Variants in ITGA8 observed in about 807,000 individuals in gnomAD.
ITGA8 encodes the protein integrin alpha-8.
A neutral mutation model predicts 142.3 loss-of-function variants in ITGA8; 91 were observed. The observed-to-expected ratio is 0.64, with a 90% CI of 0.54 to 0.76. ITGA8 has a LOEUF of 0.76. Ranked by LOEUF, ITGA8 falls within the 30% of genes least tolerant of loss-of-function variation. ITGA8 has a pLI of 0.00. For synonymous variants in ITGA8, 505 were observed against 485.2 expected (o/e 1.04, Z -0.54); for missense variants, 1,406 against 1,327.7 (o/e 1.06, Z -0.92).
chr10:15,542,706 TC>T (rs142622801), intron 27 of ITGA8, among the ~76,000 whole-genome samples: 3 of 152,132 alleles, frequency 2.0e-5, no homozygotes, highest in Admixed American at 2.0e-4. Flanking sequence ...CTCAAGATTC[TC>T]CCCCTTACTA....
At chr10:15,719,178 C>T (rs1835510362) in intron 1 of ITGA8, among the ~76,000 whole-genome samples, 1 of 152,244 alleles carries the variant, frequency 6.6e-6, no homozygotes, top group Non-Finnish European at 1.5e-5. Context: ...AGGACAGAGC[C>T]CAGCTGCTGG....
Position 15,517,253 on chromosome 10 carries a change from G to A in ITGA8, c.3106-9C>T, listed in dbSNP as rs761269484. The A allele has an allele frequency of 3.2e-6, 5 of 1,579,844 alleles. No homozygotes were observed. Among genetic ancestry groups the A allele is most frequent in the African/African-American group, 2.7e-5 (2 of 73,482 alleles). Reference sequence around the variant, plus strand: ...CTGTCAAAGAATCCACACTATAAAGGGAAAGATGGGCTATAAAATCACGTC... The same window carrying A: ...CTGTCAAAGAATCCACACTATAAAGAGAAAGATGGGCTATAAAATCACGTC... On this transcript the variant is annotated splice_polypyrimidine_tract_variant and intron_variant, in intron 29 of 29. Coordinates refer to ENST00000378076, the MANE Select transcript of ITGA8 (RefSeq NM_003638.3).
intron 10 of ITGA8, among the ~76,000 whole-genome samples, chr10:15,657,272 C>T (rs918232003): frequency 6.6e-6 from 1 of 152,186 alleles, no homozygotes; most frequent in Non-Finnish European, 1.5e-5. Context: ...TTGCTAGATT[C>T]TCATTCACTT....
chr10:15,696,747 C>G (rs181563049), intron 2 of ITGA8, among the ~76,000 whole-genome samples: 1 of 150,954 alleles, frequency 6.6e-6, no homozygotes, highest in East Asian at 2.0e-4. Context: ...AATCCCAGCA[C>G]TTTGGGAGAC....
chr10:15,587,074 C>T (rs559296707), intron 22 of ITGA8, among the ~76,000 whole-genome samples: 1 of 152,230 alleles, frequency 6.6e-6, no homozygotes, highest in East Asian at 1.9e-4. Flanking sequence ...AGGCGTGTGC[C>T]ACCACACCCA....
intron 11 of ITGA8, 103 bp from the exon 12 acceptor site, chr10:15,647,154 C>T: frequency 1.2e-6 from 1 of 850,456 alleles, no homozygotes; most frequent in Non-Finnish European, 1.9e-6. Context: ...GGTATTTTTC[C>T]TTTTCTGAGG....
At chr10:15,644,480 ATATATATATATAGAAT>A (rs1564389005) in intron 12 of ITGA8, among the ~76,000 whole-genome samples, 645 of 11,002 alleles carry the variant, frequency 0.059, 35 homozygotes, top group Admixed American at 0.11. Flanking sequence ...ATATATATAT[ATATATATATATAGAAT>A]TTTTTTTTTT....
At chr10:15,640,428 T>G (rs1451665) in intron 13 of ITGA8, among the ~76,000 whole-genome samples, 102,946 of 152,104 alleles carry the variant, frequency 0.68, 36,397 homozygotes, top group South Asian at 0.86. Context: ...GCTTTTGATT[T>G]GAAAAAGCAG....
intron 6 of ITGA8, among the ~76,000 whole-genome samples, chr10:15,676,174 C>T (rs1302123948): frequency 6.6e-6 from 1 of 152,196 alleles, no homozygotes; most frequent in Non-Finnish European, 1.5e-5. Context: ...CTGCCTCCCA[C>T]AGTACATCTG....
At chr10:15,680,624 A>G (rs1035731752) in intron 4 of ITGA8, among the ~76,000 whole-genome samples, 35 of 152,174 alleles carry the variant, frequency 2.3e-4, no homozygotes, top group African/African-American at 8.4e-4. Context: ...TTATTTTTCC[A>G]TGCACAAGCC....
intron 10 of ITGA8, among the ~76,000 whole-genome samples, chr10:15,656,556 G>A (rs1450084639): frequency 6.6e-6 from 1 of 151,888 alleles, no homozygotes; most frequent in African/African-American, 2.4e-5. Context: ...TAGAGATGAG[G>A]TTTCACCATG....
intron 2 of ITGA8, 49 bp downstream of exon 2, chr10:15,718,717 G>A: frequency 6.2e-7 from 1 of 1,605,830 alleles, no homozygotes; most frequent in South Asian, 1.1e-5. Context: ...GGATGGCCCT[G>A]GTTCTTCCAA....
chr10:15,567,200 C>G (rs1362914103), intron 25 of ITGA8, among the ~76,000 whole-genome samples: 2 of 151,870 alleles, frequency 1.3e-5, no homozygotes, highest in Non-Finnish European at 1.5e-5. Context: ...ATCCTTTACT[C>G]ATTATGAAAC....
At position 15,719,839 on chromosome 10, in the gene ITGA8, G is replaced by A. The variant is rs1230271297; in HGVS notation, c.-68C>T. On this transcript the variant is annotated 5_prime_UTR_variant, in exon 1 of 30. Transcript: ENST00000378076. ...CCGAGGACCCCTGCGGGGCAAGGGG[G>A]GCTGGTGGAATCTGGCGGTCCCCAG... 3.4e-6 allele frequency: 4 copies of A among 1,184,406 alleles called. No individual in the cohort carries two copies. Among genetic ancestry groups the A allele is most frequent in the Non-Finnish European group, 4.3e-6 (4 of 925,310 alleles). 73.4% of individuals were successfully genotyped at this position (1,184,406 alleles called of 1,614,324 possible).
Position 15,627,552 on chromosome 10 carries a change from C to A in ITGA8, c.1400-10993G>T, listed in dbSNP as rs143896619. On this transcript the variant is annotated intron_variant, in intron 13 of 29. Transcript: ENST00000378076. ...TATAGAAAGAAGAGCATCACATGAA[C>A]AATGCTTGCAAACAGGAAGGACAAA... Among the ~76,000 whole-genome samples, 301 of 152,276 alleles carry A rather than the reference C, an allele frequency of 2.0e-3. 1 individual carries two copies. Among genetic ancestry groups the A allele is most frequent in the African/African-American group, 6.7e-3 (279 of 41,568 alleles).
chr10:15,718,820 G>A lies in ITGA8; in HGVS notation c.289C>T (p.Pro97Ser). 2 of 1,614,162 alleles carry A rather than the reference G, an allele frequency of 1.2e-6. No homozygotes were observed. Among genetic ancestry groups the A allele is most frequent in the South Asian group, 2.2e-5 (2 of 91,084 alleles). The change falls in exon 2 of 30, where the codon CCT becomes TCT. Residue 97 changes from proline to serine, a missense_variant. By Grantham distance (74) the Pro-to-Ser change is moderately conservative (BLOSUM62 -1). Transcript: ENST00000378076. ...TGCGCAGACCCCTCCGCGGGCCAAG[G>A]ACAGTAATAGACGGCTCCCCCTTCC... ...IVEGGAVYYCPWPAEGSAQCR... is the reference protein window; with the variant it reads ...IVEGGAVYYCSWPAEGSAQCR...
At chr10:15,533,913 C>CTTT (rs572087349) in intron 27 of ITGA8, among the ~76,000 whole-genome samples, 33 of 146,768 alleles carry the variant, frequency 2.2e-4, no homozygotes, top group African/African-American at 3.3e-4. Context: ...CATCACCAAT[C>CTTT]TTTTTTTTTT....
chr10:15,675,823 A>G (rs1275231736), intron 6 of ITGA8, among the ~76,000 whole-genome samples: 1 of 152,226 alleles, frequency 6.6e-6, no homozygotes, highest in Non-Finnish European at 1.5e-5. Flanking sequence ...ACTGCTTAGC[A>G]TGGACTGCAA....
At chr10:15,679,898 C>T (rs754509117) in intron 4 of ITGA8, among the ~76,000 whole-genome samples, 1 of 152,200 alleles carries the variant, frequency 6.6e-6, no homozygotes, top group Non-Finnish European at 1.5e-5. Context: ...TCTACAACTT[C>T]TAACATGCCT....
Sources: gnomAD v4.1 joint callset for allele counts (sites outside exome capture counted in the v4.1 genomes callset) on GRCh38, gnomAD v4.1.1 for gene constraint, MANE v1.5 for transcripts, NCBI Gene and HGNC (gene_info 2026-07-23, HGNC 2026-07-21) for gene names.